The following MPP7 variants were observed in gnomAD, a reference collection of about 807,000 sequenced individuals.
MPP7 encodes the protein MAGUK p55 subfamily member 7.
Under a neutral mutation model 76.5 loss-of-function variants are expected in MPP7, and 60 were observed. The observed-to-expected ratio is 0.78, with a 90% CI of 0.64 to 0.97. The LOEUF (loss-of-function observed/expected upper bound fraction) is 0.97. Among genes scored for constraint, MPP7 ranks in the 50% least tolerant of loss-of-function variants. MPP7 has a pLI of 0.00. For synonymous variants in MPP7, 237 were observed against 244.5 expected (o/e 0.97, Z 0.29); for missense variants, 641 against 694.0 (o/e 0.92, Z 0.86).
chr10:28,278,777 T>A (rs1840579363), intron 1 of MPP7, among the ~76,000 whole-genome samples: 1 of 151,304 alleles, frequency 6.6e-6, no homozygotes, highest in South Asian at 2.1e-4. Flanking sequence ...GGGAACAAAG[T>A]ATATTTCAAA....
intron 3 of MPP7, among the ~76,000 whole-genome samples, chr10:28,189,023 A>C (rs1026971269): frequency 6.6e-6 from 1 of 152,112 alleles, no homozygotes; most frequent in African/African-American, 2.4e-5. Context: ...GATCTACACA[A>C]AAAAAAGGAA....
intron 2 of MPP7, among the ~76,000 whole-genome samples, chr10:28,224,121 G>A (rs777361104): frequency 1.3e-5 from 2 of 151,886 alleles, no homozygotes; most frequent in Non-Finnish European, 2.9e-5. Context: ...GGAGGCAGAG[G>A]TTGCAGTGAG....
At chr10:28,265,347 T>C (rs1376832149) in intron 1 of MPP7, among the ~76,000 whole-genome samples, 1 of 152,182 alleles carries the variant, frequency 6.6e-6, no homozygotes, top group African/African-American at 2.4e-5. Context: ...CTGCTTGAGC[T>C]CAGGAGTTCG....
chr10:28,247,607 T>C (rs1056564887), intron 1 of MPP7, among the ~76,000 whole-genome samples: 5 of 152,250 alleles, frequency 3.3e-5, no homozygotes, highest in Admixed American at 1.3e-4. Flanking sequence ...TCCTCACTTA[T>C]CTGTGTATGA....
chr10:28,318,403 G>C (rs1170039315), intron 2 of MPP7, among the ~76,000 whole-genome samples: 1 of 152,092 alleles, frequency 6.6e-6, no homozygotes, highest in South Asian at 2.1e-4. Flanking sequence ...AAAGCAATAG[G>C]GGTCAGGCAT....
At chr10:28,124,645 T>G (rs1453214409) in intron 7 of MPP7, among the ~76,000 whole-genome samples, 6 of 147,732 alleles carry the variant, frequency 4.1e-5, no homozygotes, top group African/African-American at 1.6e-4. Flanking sequence ...TTGACTAATT[T>G]TTTTTTTTTT....
At chr10:28,294,530 C>T (rs1356184201) in intron 1 of MPP7, among the ~76,000 whole-genome samples, 1 of 152,088 alleles carries the variant, frequency 6.6e-6, no homozygotes, top group Non-Finnish European at 1.5e-5. Context: ...GAGGCAGCAT[C>T]GATATGAATG....
chr10:28,105,584 C>T (rs11006871), intron 11 of MPP7, among the ~76,000 whole-genome samples: 84,386 of 152,070 alleles, frequency 0.55, 26,404 homozygotes, highest in Middle Eastern at 0.73. Context: ...CTCAGTTCAC[C>T]GCAATCTCCG....
Position 28,250,166 on chromosome 10 carries a change from T to C in MPP7, c.-131-11431A>G, listed in dbSNP as rs574416798. Among the ~76,000 whole-genome samples, 679 of 152,232 alleles carry C rather than the reference T, an allele frequency of 4.5e-3. 1 individual carries two copies. Among genetic ancestry groups the C allele is most frequent in the Non-Finnish European group, 8.3e-3 (566 of 68,026 alleles). On this transcript the variant is annotated intron_variant, in intron 1 of 16. Transcript: ENST00000683449. ...TCCTGATTTTATTTCCCTAAACATC[T>C]CTCTCCTAACATCCTTTGTTTTGGA...
chr10:28,317,137 G>A (rs1024516344), intron 2 of MPP7, among the ~76,000 whole-genome samples: 1 of 152,150 alleles, frequency 6.6e-6, no homozygotes, highest in Non-Finnish European at 1.5e-5. Context: ...AAAACAAAGA[G>A]CATCCTTGTC....
chr10:28,113,323 C>T (rs776104684), intron 11 of MPP7, among the ~76,000 whole-genome samples: 2 of 152,124 alleles, frequency 1.3e-5, no homozygotes, highest in Admixed American at 1.3e-4. Flanking sequence ...GTTGGCCCTG[C>T]GAGGTATACT....
At chr10:28,212,088 G>A (rs1838156246) in intron 2 of MPP7, among the ~76,000 whole-genome samples, 1 of 151,870 alleles carries the variant, frequency 6.6e-6, no homozygotes, top group South Asian at 2.1e-4. Flanking sequence ...TCTCTGGCCT[G>A]GGCAACAGAA....
chr10:28,174,048 C>G (rs577896972), intron 3 of MPP7, among the ~76,000 whole-genome samples: 33 of 152,278 alleles, frequency 2.2e-4, no homozygotes, highest in African/African-American at 7.9e-4. Flanking sequence ...CATTAGTCAT[C>G]TGGGGATCCA....
In MPP7 at chr10:28,078,953, A is replaced by G. The variant is rs55803747; in HGVS notation, c.1124-9101T>C. On this transcript the variant is annotated intron_variant, in intron 12 of 16. Transcript: ENST00000683449. The stretch of plus-strand genomic sequence containing the variant: ...AAACAGTCACTGTTAACTACATGCA[A>G]AGATTCTTTTATGTTTATCTTAAAA... Among the ~76,000 whole-genome samples the G allele has an allele frequency of 6.7e-3, 1,018 of 152,314 alleles. 8 individuals carry two copies. The highest frequency in any genetic ancestry group is 0.011 in the Non-Finnish European group (774 of 68,014).
intron 2 of MPP7, among the ~76,000 whole-genome samples, chr10:28,217,624 G>C (rs1205734874): frequency 6.6e-6 from 1 of 151,800 alleles, no homozygotes; most frequent in Non-Finnish European, 1.5e-5. Context: ...TTTACCATTT[G>C]CTAGGAACCA....
chr10:28,325,998 T>A (rs11007022), intron 2 of MPP7, among the ~76,000 whole-genome samples: 1 of 144,710 alleles, frequency 6.9e-6, no homozygotes, highest in East Asian at 2.1e-4. Flanking sequence ...AAAAAAAAAT[T>A]CCTTAAAGAG....
intron 3 of MPP7, among the ~76,000 whole-genome samples, chr10:28,180,306 G>A (rs1837019439): frequency 6.6e-6 from 1 of 152,102 alleles, no homozygotes; most frequent in African/African-American, 2.4e-5. Context: ...ATATTAAACT[G>A]GAATAATCAA....
chr10:28,164,509 G>A (rs930917597), intron 3 of MPP7, among the ~76,000 whole-genome samples: 16 of 152,112 alleles, frequency 1.1e-4, no homozygotes, highest in Admixed American at 7.2e-4. Context: ...GTAGTCACCC[G>A]ATAGAAGCTT....
upstream of MPP7, chr10:28,307,581 C>A (rs960411156): frequency 6.6e-6 from 1 of 152,208 alleles, no homozygotes; most frequent in South Asian, 2.1e-4. Context: ...TCTGTCCCCA[C>A]CCCTGGATGA....
Sources: gnomAD v4.1 joint callset for allele counts (sites outside exome capture counted in the v4.1 genomes callset) on GRCh38, gnomAD v4.1.1 for gene constraint, MANE v1.5 for transcripts, NCBI Gene and HGNC (gene_info 2026-07-23, HGNC 2026-07-21) for gene names.